ITGBL1: variants seen among roughly 807,000 people sequenced by gnomAD.
ITGBL1 encodes integrin subunit beta like 1.
Under a neutral mutation model 68.5 loss-of-function variants are expected in ITGBL1, and 51 were observed. That is an observed-to-expected ratio of 0.74 (90% CI 0.59 to 0.94). The LOEUF (loss-of-function observed/expected upper bound fraction) is 0.94, where lower values mean the gene tolerates loss of function less well. ITGBL1 is among the 40% of genes least tolerant of loss of function. The pLI, the probability that ITGBL1 is intolerant of heterozygous loss-of-function variation, is 0.00. For missense variants in ITGBL1, 649 were observed against 647.4 expected (o/e 1.00, Z -0.03); for synonymous variants, 209 against 227.3 (o/e 0.92, Z 0.72).
intron 7 of ITGBL1, among the ~76,000 whole-genome samples, chr13:101,638,668 A>G (rs947469520): frequency 2.6e-5 from 4 of 152,066 alleles, no homozygotes; most frequent in Non-Finnish European, 5.9e-5. Flanking sequence ...ATCTCATAAG[A>G]TTTATTCACT....
chr13:101,547,358 C>T (rs1261778892), intron 2 of ITGBL1, among the ~76,000 whole-genome samples: 2 of 151,604 alleles, frequency 1.3e-5, no homozygotes, highest in Non-Finnish European at 3.0e-5. Flanking sequence ...TTTAATTAGT[C>T]CTTCTCCTTT....
chr13:101,614,710 G>A (rs1380159500), intron 7 of ITGBL1, among the ~76,000 whole-genome samples: 2 of 152,112 alleles, frequency 1.3e-5, no homozygotes, highest in African/African-American at 4.8e-5. Context: ...CATGCTCAGG[G>A]GAGCAATGAG....
intron 7 of ITGBL1, among the ~76,000 whole-genome samples, chr13:101,599,585 C>G (rs1181474506): frequency 2.6e-5 from 4 of 152,174 alleles, no homozygotes; most frequent in Non-Finnish European, 5.9e-5. Context: ...ACATGTAAGT[C>G]TTTAATCCAT....
intron 7 of ITGBL1, among the ~76,000 whole-genome samples, chr13:101,609,016 T>C (rs980636397): frequency 6.6e-6 from 1 of 152,040 alleles, no homozygotes; most frequent in African/African-American, 2.4e-5. Flanking sequence ...CCAGGGAGTC[T>C]TCCATGCACC....
At chr13:101,700,926 C>T (rs2034121823) in intron 8 of ITGBL1, among the ~76,000 whole-genome samples, 1 of 152,094 alleles carries the variant, frequency 6.6e-6, no homozygotes, top group Non-Finnish European at 1.5e-5. Context: ...TTTTTGTCTT[C>T]TATTACTCAA....
intron 7 of ITGBL1, among the ~76,000 whole-genome samples, chr13:101,629,780 G>GC (rs2031912150): frequency 6.6e-6 from 1 of 151,990 alleles, no homozygotes. Context: ...AATATAGACA[G>GC]CCCCATTTTC....
intron 2 of ITGBL1, among the ~76,000 whole-genome samples, chr13:101,528,191 T>C (rs975881819): frequency 2.0e-5 from 3 of 151,666 alleles, no homozygotes; most frequent in Middle Eastern, 3.4e-3. Flanking sequence ...TTTTTCTTTT[T>C]TGTCAGTTTT....
At chr13:101,565,703 T>A (rs951320425) in intron 2 of ITGBL1, among the ~76,000 whole-genome samples, 6 of 152,180 alleles carry the variant, frequency 3.9e-5, no homozygotes, top group Non-Finnish European at 7.4e-5. Context: ...GGCTCATTAG[T>A]GTGCTGATAT....
At position 101,683,219 on chromosome 13, in the gene ITGBL1, T is replaced by C. The variant is rs556149654; in HGVS notation, c.1016-9366T>C. On this transcript the variant is annotated intron_variant, in intron 7 of 10. Coordinates refer to ENST00000376180, the MANE Select transcript of ITGBL1 (RefSeq NM_004791.3). ...CCTCTCCCTAAAAAGATAACCTTTA[T>C]TCTCATGTTCATGTAATCACCTCTA... 3.5e-4 allele frequency among the ~76,000 whole-genome samples: 53 copies of C among 152,186 alleles called. 1 individual carries two copies. The South Asian group carries it at 8.9e-3, about 26-fold the overall frequency.
Position 101,543,416 on chromosome 13 carries a change from C to A in ITGBL1, c.317-24283C>A, listed in dbSNP as rs536935382. On this transcript the variant is annotated intron_variant, in intron 2 of 10. Transcript: ENST00000376180. ...CCTCTTCTGGCTTGTAGAGTTTCTG[C>A]CGAGAGATCAGCTGTTAGTCTGATG... is the stretch of plus-strand genomic sequence containing the variant. Among the ~76,000 whole-genome samples the A allele has an allele frequency of 1.4e-3, 217 of 152,298 alleles. 1 individual carries two copies. Among genetic ancestry groups the A allele is most frequent in the African/African-American group, 5.0e-3 (209 of 41,552 alleles).
intron 2 of ITGBL1, among the ~76,000 whole-genome samples, chr13:101,563,486 T>C (rs2050133018): frequency 6.6e-6 from 1 of 151,858 alleles, no homozygotes; most frequent in African/African-American, 2.4e-5. Context: ...ACACTATGCA[T>C]GTTAAAAAGA....
intron 6 of ITGBL1, among the ~76,000 whole-genome samples, chr13:101,585,551 C>T (rs949954194): frequency 7.2e-5 from 11 of 152,126 alleles, no homozygotes; most frequent in Non-Finnish European, 1.5e-4. Flanking sequence ...CTGCCTCAGC[C>T]TCCCGAGCAG....
chr13:101,522,633 T>G (rs926961199), intron 2 of ITGBL1, among the ~76,000 whole-genome samples: 8 of 152,188 alleles, frequency 5.3e-5, no homozygotes, highest in Non-Finnish European at 1.2e-4. Flanking sequence ...ATGTGGGACA[T>G]TGACAGAAGT....
intron 7 of ITGBL1, among the ~76,000 whole-genome samples, chr13:101,676,435 TC>T (rs1161321045): frequency 6.6e-6 from 1 of 152,200 alleles, no homozygotes; most frequent in African/African-American, 2.4e-5. Context: ...AATACCTCCT[TC>T]TTGAAGGTTG....
chr13:101,547,197 A>T lies in ITGBL1; in HGVS notation c.317-20502A>T, dbSNP rs180676263. On this transcript the variant is annotated intron_variant, in intron 2 of 10. Coordinates refer to ENST00000376180, the MANE Select transcript of ITGBL1 (RefSeq NM_004791.3). ...ATTTTCCTTTTAGAATTTATTGCTA[A>T]TTTTTTCTTGTTTGTTTTGTGTATG... 8.5e-3 allele frequency among the ~76,000 whole-genome samples: 1,285 copies of T among 151,378 alleles called. 4 individuals carry two copies. The highest frequency in any genetic ancestry group is 0.014 in the Non-Finnish European group (952 of 67,636).
At position 101,624,343 on chromosome 13, in the gene ITGBL1, T is replaced by A. The variant is rs139036239; in HGVS notation, c.1015+26044T>A. On this transcript the variant is annotated intron_variant, in intron 7 of 10. Transcript: ENST00000376180. ...TCCCTCCAAACCACTCCTCTCCAGATAAACATTTATGTTTTATGCCCCAAT... is the reference window on the plus strand; with the variant it reads ...TCCCTCCAAACCACTCCTCTCCAGAAAAACATTTATGTTTTATGCCCCAAT... Among the ~76,000 whole-genome samples, 854 of 152,322 alleles carry A rather than the reference T, an allele frequency of 5.6e-3. 11 individuals are homozygous for A. Among genetic ancestry groups the A allele is most frequent in the African/African-American group, 0.019 (804 of 41,588 alleles).
chr13:101,601,459 A>G (rs4423293), intron 7 of ITGBL1, among the ~76,000 whole-genome samples: 20,215 of 151,652 alleles, frequency 0.13, 1,501 homozygotes, highest in South Asian at 0.21. Context: ...GATCTTAGTT[A>G]TTTCCTGCTT....
intron 4 of ITGBL1, among the ~76,000 whole-genome samples, chr13:101,577,310 A>T (rs2050379277): frequency 6.6e-6 from 1 of 152,226 alleles, no homozygotes; most frequent in African/African-American, 2.4e-5. Context: ...TTCTTGCTCT[A>T]TCAGTTTGCA....
intron 7 of ITGBL1, among the ~76,000 whole-genome samples, chr13:101,647,203 T>G (rs149766629): frequency 1.4e-3 from 210 of 152,288 alleles, no homozygotes; most frequent in African/African-American, 4.9e-3. Context: ...GAATAAATTT[T>G]TAGACTTCTG....
Sources: gnomAD v4.1 joint callset for allele counts (sites outside exome capture counted in the v4.1 genomes callset) on GRCh38, gnomAD v4.1.1 for gene constraint, MANE v1.5 for transcripts, NCBI Gene and HGNC (gene_info 2026-07-23, HGNC 2026-07-21) for gene names.